Variants in CEP63 observed in about 807,000 individuals in gnomAD.
CEP63 encodes centrosomal protein of 63 kDa.
CEP63 carries 84 observed loss-of-function variants against 89.1 expected under a neutral mutation model. That is an observed-to-expected ratio of 0.94 (90% CI 0.79 to 1.13). CEP63 has a LOEUF of 1.13. CEP63 is among the 50% of genes most tolerant of loss of function. The pLI is 0.00. For missense variants in CEP63, 838 were observed against 813.3 expected, an observed-to-expected ratio of 1.03 and a Z score of -0.37; for synonymous variants, 267 against 272.5, an observed-to-expected ratio of 0.98 and a Z score of 0.20.
chr3:134,615,407 C>A, the CEP63 span: 1 of 132,982 alleles, frequency 7.5e-6, no homozygotes, highest in Admixed American at 8.2e-5. Flanking sequence ...ATGGAAAAAT[C>A]ATTTGACCTC....
the CEP63 span, among the ~76,000 whole-genome samples, chr3:134,707,829 G>A: frequency 6.9e-6 from 1 of 145,474 alleles, no homozygotes; most frequent in African/African-American, 2.5e-5. Flanking sequence ...CTCACTCTGG[G>A]TTGAAGCCCT....
At chr3:134,687,634 G>A in the CEP63 span, among the ~76,000 whole-genome samples, 2 of 152,194 alleles carry the variant, frequency 1.3e-5, no homozygotes, top group African/African-American at 4.8e-5. Context: ...AATGCAAGTG[G>A]CTGTGACAGA....
chr3:134,689,216 G>A, the CEP63 span, among the ~76,000 whole-genome samples: 1 of 151,806 alleles, frequency 6.6e-6, no homozygotes, highest in Non-Finnish European at 1.5e-5. Context: ...ATGACTTCTT[G>A]TGGCCTCTTT....
chr3:134,742,860 G>A, the CEP63 span, among the ~76,000 whole-genome samples: 1 of 152,170 alleles, frequency 6.6e-6, no homozygotes, highest in African/African-American at 2.4e-5. Flanking sequence ...TGGACTTCCA[G>A]CCTCCAGAAC....
At chr3:134,526,870 G>A (rs184253878) in intron 3 of CEP63, among the ~76,000 whole-genome samples, 290 of 151,796 alleles carry the variant, frequency 1.9e-3, no homozygotes, top group African/African-American at 6.6e-3. Flanking sequence ...GAAGATTTTC[G>A]GTGGCCATTG....
chr3:134,749,481 G>C, the CEP63 span, among the ~76,000 whole-genome samples: 1 of 152,026 alleles, frequency 6.6e-6, no homozygotes, highest in African/African-American at 2.4e-5. Flanking sequence ...GGGGTGGGGA[G>C]GAGAATGGAA....
chr3:134,725,057 A>C, the CEP63 span, among the ~76,000 whole-genome samples: 1 of 146,102 alleles, frequency 6.8e-6, no homozygotes, highest in South Asian at 2.2e-4. Context: ...TTTCATATGG[A>C]AACATTAATC....
the CEP63 span, among the ~76,000 whole-genome samples, chr3:134,674,410 C>T: frequency 1.3e-5 from 2 of 152,182 alleles, no homozygotes; most frequent in South Asian, 2.1e-4. Context: ...TAAAAACACT[C>T]GACAAACTAG....
chr3:134,707,587 G>A, the CEP63 span, among the ~76,000 whole-genome samples: 3,009 of 152,178 alleles, frequency 0.02, 41 homozygotes, highest in Middle Eastern at 0.068. Flanking sequence ...TCTTCCCCCT[G>A]CTGTGAGAGA....
At chr3:134,610,427 C>T in the CEP63 span, 1 of 1,557,072 alleles carries the variant, frequency 6.4e-7, no homozygotes, top group South Asian at 1.2e-5. Flanking sequence ...CCCGCTGTGG[C>T]TTGCCTCCAA....
At chr3:134,561,267 G>T (rs1957290713) in intron 14 of CEP63, 110 bp from the exon 15 acceptor site, 2 of 1,160,356 alleles carry the variant, frequency 1.7e-6, no homozygotes, top group Non-Finnish European at 2.6e-6. Flanking sequence ...TATCTTCAGA[G>T]GAAAAAAATC....
At chr3:134,639,267 C>G in the CEP63 span, among the ~76,000 whole-genome samples, 53,705 of 151,900 alleles carry the variant, frequency 0.35, 9,844 homozygotes, top group African/African-American at 0.38. Flanking sequence ...GTGACAGGGA[C>G]TGTCTAGCTC....
intron 1 of CEP63, among the ~76,000 whole-genome samples, chr3:134,492,063 T>C (rs1395359651): frequency 2.1e-5 from 3 of 145,856 alleles, no homozygotes; most frequent in East Asian, 4.1e-4. Context: ...GACATTCTAT[T>C]TGTATTCTTT....
rs548502351 is a variant in CEP63, at chr3:134,544,231, G to A, written c.556-1355G>A. On this transcript the variant is annotated intron_variant, in intron 6 of 14. Coordinates refer to ENST00000675561, the MANE Select transcript of CEP63 (RefSeq NM_001353108.3). ...GTGATTTTACCTTTAGAAATATTTC[G>A]AGTAAGGGAAGTTTACCTCTACAGA... Among the ~76,000 whole-genome samples the A allele has an allele frequency of 5.9e-5, 9 of 152,136 alleles. No homozygotes were observed. In the South Asian group the frequency reaches 1.7e-3, roughly 28 times the overall value.
chr3:134,544,854 A>G (rs764498939), intron 6 of CEP63, among the ~76,000 whole-genome samples: 7 of 151,730 alleles, frequency 4.6e-5, no homozygotes, highest in Non-Finnish European at 1.0e-4. Flanking sequence ...TTTTCTATTT[A>G]TTTATTTATT....
chr3:134,738,743 A>C, the CEP63 span, among the ~76,000 whole-genome samples: 4 of 152,194 alleles, frequency 2.6e-5, no homozygotes, highest in Admixed American at 2.6e-4. Context: ...ACCAAACACC[A>C]CCTGTACCCC....
the CEP63 span, among the ~76,000 whole-genome samples, chr3:134,664,916 T>A: frequency 3.9e-5 from 6 of 152,112 alleles, no homozygotes; most frequent in Non-Finnish European, 7.4e-5. Flanking sequence ...AGTGAAGATA[T>A]TTTTCTCAGG....
the CEP63 span, among the ~76,000 whole-genome samples, chr3:134,617,488 G>C: frequency 6.6e-6 from 1 of 152,148 alleles, no homozygotes; most frequent in Non-Finnish European, 1.5e-5. Context: ...TCGATAGGAT[G>C]TATGACAACA....
chr3:134,766,914 A>G, the CEP63 span, among the ~76,000 whole-genome samples: 3 of 152,162 alleles, frequency 2.0e-5, no homozygotes, highest in African/African-American at 4.8e-5. Flanking sequence ...CCTGTTTTTA[A>G]CAACTGGCTT....
Sources: allele counts gnomAD v4.1 joint callset (sites outside exome capture counted in the v4.1 genomes callset), GRCh38; gene constraint gnomAD v4.1.1; transcripts MANE v1.5; gene names NCBI Gene and HGNC (gene_info 2026-07-23, HGNC 2026-07-21).